The following COMMD1 variants were observed in gnomAD, a reference collection of about 807,000 sequenced individuals.
COMMD1 encodes copper metabolism domain containing 1.
COMMD1 carries 10 observed loss-of-function variants against 17.2 expected under a neutral mutation model. That is an observed-to-expected ratio of 0.58 (90% CI 0.36 to 0.99). COMMD1 has a LOEUF of 0.99. COMMD1 is among the 50% of genes least tolerant of loss of function. The pLI is 0.01. For synonymous variants in COMMD1, 97 were observed against 91.6 expected (o/e 1.06, Z -0.34); for missense variants, 270 against 231.8 (o/e 1.17, Z -1.07).
chr2:62,061,057 GGTTA>G, intron 2 of COMMD1, among the ~76,000 whole-genome samples: 1 of 151,928 alleles, frequency 6.6e-6, no homozygotes. Context: ...ATATCAATTT[GGTTA>G]GTTTATAGTT....
chr2:61,889,656 G>A (rs1572933280), intron 1 of COMMD1, among the ~76,000 whole-genome samples: 1 of 152,134 alleles, frequency 6.6e-6, no homozygotes, highest in Admixed American at 6.6e-5. Flanking sequence ...TTGAAAGGGA[G>A]TCAGAAAAGG....
chr2:62,091,445 C>T (rs1671826375), intron 2 of COMMD1, among the ~76,000 whole-genome samples: 1 of 152,194 alleles, frequency 6.6e-6, no homozygotes. Flanking sequence ...AATGCTGTTG[C>T]CATTGTATAC....
At chr2:61,978,354 A>G (rs1032389443) in intron 1 of COMMD1, among the ~76,000 whole-genome samples, 3 of 151,480 alleles carry the variant, frequency 2.0e-5, no homozygotes, top group Non-Finnish European at 2.9e-5. Flanking sequence ...GCAAGAATAA[A>G]TTAATGGTTG....
At chr2:62,075,046 C>T (rs1573151681) in intron 2 of COMMD1, among the ~76,000 whole-genome samples, 1 of 151,986 alleles carries the variant, frequency 6.6e-6, no homozygotes, top group East Asian at 1.9e-4. Flanking sequence ...CACGCCACCA[C>T]ACCCAGCTAA....
intron 2 of COMMD1, among the ~76,000 whole-genome samples, chr2:62,090,206 A>C (rs1442207210): frequency 1.3e-5 from 2 of 150,162 alleles, no homozygotes; most frequent in Non-Finnish European, 3.0e-5. Context: ...ATATAATCCT[A>C]ATACAGTGAC....
At chr2:61,998,660 A>G (rs1428451211) in intron 1 of COMMD1, among the ~76,000 whole-genome samples, 2 of 152,240 alleles carry the variant, frequency 1.3e-5, no homozygotes, top group African/African-American at 4.8e-5. Flanking sequence ...GCTGTCTGGC[A>G]CAGGAGGCCT....
intron 1 of COMMD1, among the ~76,000 whole-genome samples, chr2:61,917,532 AC>A (rs1437188668): frequency 1.3e-5 from 2 of 151,774 alleles, no homozygotes; most frequent in African/African-American, 4.8e-5. Context: ...CTTCGCTCAT[AC>A]TTTTTTTTTT....
upstream of COMMD1, among the ~76,000 whole-genome samples, chr2:61,903,555 CT>C (rs766745369): frequency 2.4e-3 from 338 of 143,008 alleles, no homozygotes; most frequent in Middle Eastern, 7.2e-3. Flanking sequence ...TCAGTTGTCA[CT>C]TTTTTTTTTT....
At chr2:61,959,182 C>A (rs1297951886) in intron 1 of COMMD1, among the ~76,000 whole-genome samples, 1 of 152,084 alleles carries the variant, frequency 6.6e-6, no homozygotes, top group East Asian at 1.9e-4. Context: ...TACATTCTCT[C>A]ATGTGAATTG....
intron 1 of COMMD1, among the ~76,000 whole-genome samples, chr2:61,998,570 T>G (rs1668835227): frequency 6.6e-6 from 1 of 152,176 alleles, no homozygotes; most frequent in African/African-American, 2.4e-5. Flanking sequence ...GTGTTTTGCT[T>G]TCTTGTCATT....
At chr2:62,126,002 T>C (rs1223139039) in intron 2 of COMMD1, among the ~76,000 whole-genome samples, 1 of 152,198 alleles carries the variant, frequency 6.6e-6, no homozygotes, top group Non-Finnish European at 1.5e-5. Context: ...CTCCCACTTA[T>C]AAGTGAGAAC....
chr2:61,994,818 T>C (rs967640893), intron 1 of COMMD1, among the ~76,000 whole-genome samples: 2 of 152,286 alleles, frequency 1.3e-5, no homozygotes, highest in South Asian at 4.2e-4. Context: ...GTCCTTCTTA[T>C]ACTATGACCC....
At chr2:62,078,592 G>A (rs1452060999) in intron 2 of COMMD1, among the ~76,000 whole-genome samples, 1 of 148,898 alleles carries the variant, frequency 6.7e-6, no homozygotes, top group East Asian at 2.0e-4. Context: ...GGTGGGGCCA[G>A]GCACGGTGGC....
chr2:62,045,350 G>A (rs911087525), intron 2 of COMMD1, among the ~76,000 whole-genome samples: 1 of 152,144 alleles, frequency 6.6e-6, no homozygotes, highest in African/African-American at 2.4e-5. Flanking sequence ...AGCACTTGGG[G>A]AAGTTGTAAA....
chr2:61,932,633 T>C (rs970012474), intron 1 of COMMD1, among the ~76,000 whole-genome samples: 1 of 151,968 alleles, frequency 6.6e-6, no homozygotes, highest in Non-Finnish European at 1.5e-5. Flanking sequence ...TGGGAGGTAA[T>C]TAGGATTAGA....
chr2:61,950,859 C>T (rs999660543), intron 1 of COMMD1, among the ~76,000 whole-genome samples: 2 of 152,144 alleles, frequency 1.3e-5, no homozygotes, highest in Non-Finnish European at 2.9e-5. Context: ...GATTGGCGCA[C>T]AAGTTAAAAC....
At chr2:62,005,407 T>C (rs1669083546) in intron 2 of COMMD1, among the ~76,000 whole-genome samples, 1 of 152,242 alleles carries the variant, frequency 6.6e-6, no homozygotes, top group South Asian at 2.1e-4. Flanking sequence ...AGTTTGTCTG[T>C]ATTACTTTTC....
In COMMD1 at chr2:61,940,018, C is replaced by T. The variant is rs574943924; in HGVS notation, c.180+34160C>T. On this transcript the variant is annotated intron_variant, in intron 1 of 2. Transcript: ENST00000311832. ...TTTTGAACACCTTTATTTCCATTAG[C>T]ATAGGGGTAGCTCAAGCCAATATTC... Among the ~76,000 whole-genome samples, 3 of 151,806 alleles carry T rather than the reference C, an allele frequency of 2.0e-5. No homozygotes were observed. The South Asian group carries it at 6.2e-4, about 31-fold the overall frequency.
intron 1 of COMMD1, chr2:61,918,479 C>T (rs1558520948): frequency 6.6e-6 from 1 of 152,154 alleles, no homozygotes; most frequent in Non-Finnish European, 1.5e-5. Context: ...CTCAGGTGAC[C>T]TGTAATGAGG....
Sources: gnomAD v4.1 joint callset for allele counts (sites outside exome capture counted in the v4.1 genomes callset) on GRCh38, gnomAD v4.1.1 for gene constraint, MANE v1.5 for transcripts, NCBI Gene and HGNC (gene_info 2026-07-23, HGNC 2026-07-21) for gene names.